SLC39A9: variants seen among roughly 807,000 people sequenced by gnomAD.
SLC39A9 encodes solute carrier family 39 member 9, also known as zinc transporter ZIP9.
In SLC39A9, 14 loss-of-function variants were observed where a neutral mutation model predicts 28.4. The ratio of observed to expected loss-of-function variants is 0.49; its 90% CI spans 0.33 to 0.77. The LOEUF (loss-of-function observed/expected upper bound fraction) is 0.77, where lower values mean the gene tolerates loss of function less well. SLC39A9 is among the 30% of genes least tolerant of loss of function. The pLI, the probability that SLC39A9 is intolerant of heterozygous loss-of-function variation, is 0.02. For missense variants in SLC39A9, 283 were observed against 381.1 expected (o/e 0.74, Z 2.14); for synonymous variants, 119 against 149.6 (o/e 0.80, Z 1.49).
intron 3 of SLC39A9, among the ~76,000 whole-genome samples, chr14:69,449,129 A>G (rs532992550): frequency 2.5e-4 from 38 of 152,324 alleles, no homozygotes; most frequent in Admixed American, 1.0e-3. Context: ...TGTATTTACT[A>G]TGTGTTAAAT....
intron 1 of SLC39A9, among the ~76,000 whole-genome samples, chr14:69,409,012 C>T (rs535039605): frequency 6.6e-6 from 1 of 152,104 alleles, no homozygotes; most frequent in Non-Finnish European, 1.5e-5. Context: ...GAATTCTTGT[C>T]CTGCTTGTAG....
rs762239048 is a variant in SLC39A9, at chr14:69,399,381, C to A, written c.12C>A (p.Phe4Leu). Residue 4 changes from phenylalanine (F) to leucine (L), a missense_variant, in exon 1 of 7, where the codon TTC becomes TTA. By Grantham distance (22) the Phe-to-Leu change is conservative (BLOSUM62 0). Coordinates refer to ENST00000336643, the MANE Select transcript of SLC39A9 (RefSeq NM_018375.5). Reference sequence around the variant, plus strand: ...TAAAGGAGGGCAGAATGGATGATTTCATCTCCATTAGCCTGCTGTCTCTGG... The same window carrying A: ...TAAAGGAGGGCAGAATGGATGATTTAATCTCCATTAGCCTGCTGTCTCTGG... MDD[F>L]ISISLLSLAM... 2 of 1,613,820 alleles carry A rather than the reference C, an allele frequency of 1.2e-6. No homozygotes were observed. Among genetic ancestry groups the A allele is most frequent in the South Asian group, 2.2e-5 (2 of 91,032 alleles).
rs963977069 is a variant in SLC39A9, at chr14:69,442,412, G to A, written c.403+146G>A. The A allele has an allele frequency of 2.6e-5, 20 of 760,260 alleles. No individual in the cohort carries two copies. In the East Asian group the frequency reaches 5.0e-4, roughly 19 times the overall value. The allele number at this position is 760,260 out of a possible 1,614,324, so 47.1% of individuals were successfully genotyped here. A position where few individuals can be genotyped will look rare whatever the true frequency, so the allele number is the denominator to read the frequency against. On this transcript the variant is annotated intron_variant, in intron 3 of 6. Coordinates refer to ENST00000336643, the MANE Select transcript of SLC39A9 (RefSeq NM_018375.5). Reference sequence around the variant, plus strand: ...TGGGTTCTAGTGAACATTTAACTAAGTGGGGAGAGCTAGTGAGTTGTGGCA... The same window carrying A: ...TGGGTTCTAGTGAACATTTAACTAAATGGGGAGAGCTAGTGAGTTGTGGCA...
chr14:69,415,143 G>A (rs925296000), intron 1 of SLC39A9, among the ~76,000 whole-genome samples: 1 of 152,054 alleles, frequency 6.6e-6, no homozygotes, highest in Non-Finnish European at 1.5e-5. Context: ...GTGGACATAT[G>A]TTTTCATTTC....
In SLC39A9 at chr14:69,461,454, G is replaced by A. The variant is rs891052312; in HGVS notation, c.*2861G>A. 1 of 1,356,656 alleles carries A rather than the reference G, an allele frequency of 7.4e-7. No individual in the cohort carries two copies. The highest frequency in any genetic ancestry group is 9.5e-7 in the Non-Finnish European group (1 of 1,051,094). 84.0% of individuals were successfully genotyped at this position (1,356,656 alleles called of 1,614,324 possible). Reference sequence around the variant, plus strand: ...AAGATTCTGCACTGGAACGTAGACAGTTGGAAACAGTACTACCTACCTAGA... The same window carrying A: ...AAGATTCTGCACTGGAACGTAGACAATTGGAAACAGTACTACCTACCTAGA... On this transcript the variant is annotated 3_prime_UTR_variant, in exon 7 of 7. Coordinates refer to ENST00000336643, the MANE Select transcript of SLC39A9 (RefSeq NM_018375.5).
intron 5 of SLC39A9, among the ~76,000 whole-genome samples, chr14:69,455,362 T>C (rs1885808071): frequency 6.6e-6 from 1 of 152,114 alleles, no homozygotes; most frequent in Non-Finnish European, 1.5e-5. Flanking sequence ...AGTTTGCTCT[T>C]GTCACCCAGG....
At chr14:69,410,158 AAATT>A (rs1883188215) in intron 1 of SLC39A9, among the ~76,000 whole-genome samples, 1 of 152,252 alleles carries the variant, frequency 6.6e-6, no homozygotes, top group South Asian at 2.1e-4. Flanking sequence ...AAAGAAAAAT[AAATT>A]AATCTTATTT....
chr14:69,448,547 A>G (rs897195876), intron 3 of SLC39A9, among the ~76,000 whole-genome samples: 1 of 152,228 alleles, frequency 6.6e-6, no homozygotes. Flanking sequence ...ATTACTAAAA[A>G]AACAAGAAAG....
intron 2 of SLC39A9, among the ~76,000 whole-genome samples, chr14:69,424,793 C>A (rs776596933): frequency 6.6e-6 from 1 of 152,070 alleles, no homozygotes; most frequent in African/African-American, 2.4e-5. Context: ...TTAGCAAAAT[C>A]CGATTACTAC....
intron 1 of SLC39A9, among the ~76,000 whole-genome samples, chr14:69,404,051 C>CA (rs1185691918): frequency 6.6e-6 from 1 of 151,970 alleles, no homozygotes; most frequent in Non-Finnish European, 1.5e-5. Context: ...CTCAAAAAAA[C>CA]AAAAAACAAA....
intron 2 of SLC39A9, among the ~76,000 whole-genome samples, chr14:69,427,898 T>C (rs920496597): frequency 8.5e-5 from 13 of 152,232 alleles, no homozygotes; most frequent in Non-Finnish European, 1.0e-4. Flanking sequence ...TGGAGCAACA[T>C]GAATTCTGCT....
At chr14:69,415,420 C>A (rs1469635960) in intron 1 of SLC39A9, among the ~76,000 whole-genome samples, 1 of 152,162 alleles carries the variant, frequency 6.6e-6, no homozygotes, top group Non-Finnish European at 1.5e-5. Flanking sequence ...GCCATTCATA[C>A]ATCTTTTGTG....
chr14:69,402,779 T>C (rs1405109908), intron 1 of SLC39A9, among the ~76,000 whole-genome samples: 1 of 152,186 alleles, frequency 6.6e-6, no homozygotes, highest in African/African-American at 2.4e-5. Context: ...AGAAACACTT[T>C]TAACTTTTAA....
chr14:69,433,415 A>G (rs1270626885), intron 2 of SLC39A9, among the ~76,000 whole-genome samples: 3 of 152,138 alleles, frequency 2.0e-5, no homozygotes, highest in South Asian at 2.1e-4. Context: ...AACAACATCT[A>G]TGTATGGTTT....
intron 1 of SLC39A9, among the ~76,000 whole-genome samples, chr14:69,414,050 C>CTTT (rs1186216595): frequency 1.5e-5 from 2 of 132,188 alleles, no homozygotes; most frequent in Admixed American, 7.8e-5. Flanking sequence ...ATTTCATATT[C>CTTT]TTTTTTTTTT....
intron 1 of SLC39A9, among the ~76,000 whole-genome samples, chr14:69,400,995 A>G (rs1388894729): frequency 6.6e-6 from 1 of 151,724 alleles, no homozygotes; most frequent in African/African-American, 2.4e-5. Flanking sequence ...AAAAAAAAAA[A>G]GAAAATAAAA....
Position 69,459,556 on chromosome 14 carries a change from G to GTTT in SLC39A9, c.*975_*977dup. On this transcript the variant is annotated 3_prime_UTR_variant, in exon 7 of 7. Coordinates refer to ENST00000336643, the MANE Select transcript of SLC39A9 (RefSeq NM_018375.5). ...AAATGTATGGTTGTCCTTTTTTTTT[G>GTTT]TTTTTTTTTTTTTTAATTATTTCTC... The GTTT allele has an allele frequency of 3.5e-6, 3 of 858,784 alleles. No homozygotes were observed. Among genetic ancestry groups the GTTT allele is most frequent in the Non-Finnish European group, 4.2e-6 (3 of 722,632 alleles). 53.2% of individuals were successfully genotyped at this position (858,784 alleles called of 1,614,324 possible). A position where few individuals can be genotyped will look rare whatever the true frequency, so the allele number is the denominator to read the frequency against.
intron 2 of SLC39A9, 113 bp downstream of exon 2, chr14:69,424,315 C>T: frequency 1.3e-6 from 1 of 746,730 alleles, no homozygotes; most frequent in Non-Finnish European, 2.3e-6. Context: ...AGAGTTCTAC[C>T]CTGAGAAGAT....
At chr14:69,441,891 A>AT (rs1885066009) in intron 2 of SLC39A9, 178 bp from the exon 3 acceptor site, 1 of 1,386,836 alleles carries the variant, frequency 7.2e-7, no homozygotes, top group African/African-American at 1.5e-5. Flanking sequence ...ACATTTGGGA[A>AT]TTTTTTCATC....
Sources: gnomAD v4.1 joint callset for allele counts (sites outside exome capture counted in the v4.1 genomes callset) on GRCh38, gnomAD v4.1.1 for gene constraint, MANE v1.5 for transcripts, NCBI Gene and HGNC (gene_info 2026-07-23, HGNC 2026-07-21) for gene names.